SLC10A7: variants seen among roughly 807,000 people sequenced by gnomAD.
SLC10A7 encodes the protein sodium/bile acid cotransporter 7.
A neutral mutation model predicts 43.2 loss-of-function variants in SLC10A7; 29 were observed. The ratio of observed to expected loss-of-function variants is 0.67; its 90% confidence interval spans 0.50 to 0.92. The LOEUF is 0.92. SLC10A7 is among the 40% of genes least tolerant of loss of function. The probability of loss-of-function intolerance (pLI) is 0.00; values close to 1 mark genes in which losing one functional copy is unlikely to be tolerated. For synonymous variants in SLC10A7, 152 were observed against 144.8 expected (o/e 1.05, Z -0.35); for missense variants, 295 against 403.2 (o/e 0.73, Z 2.30).
intron 4 of SLC10A7, among the ~76,000 whole-genome samples, chr4:146,502,342 T>G (rs1013912281): frequency 6.6e-6 from 1 of 152,216 alleles, no homozygotes; most frequent in Non-Finnish European, 1.5e-5. Flanking sequence ...AAAAATAGTT[T>G]GGTAATTTAT....
intron 5 of SLC10A7, among the ~76,000 whole-genome samples, chr4:146,390,927 A>G (rs1738383222): frequency 6.6e-6 from 1 of 152,214 alleles, no homozygotes; most frequent in Non-Finnish European, 1.5e-5. Context: ...GTTTTAGAAG[A>G]AACTAACGCT....
At chr4:146,520,593 A>G (rs1738534820) in intron 1 of SLC10A7, among the ~76,000 whole-genome samples, 1 of 152,194 alleles carries the variant, frequency 6.6e-6, no homozygotes, top group Admixed American at 6.5e-5. Flanking sequence ...CTAAGAGATC[A>G]TTTCATTCAC....
chr4:146,345,279 T>C (rs1734540814), intron 5 of SLC10A7, among the ~76,000 whole-genome samples: 1 of 152,110 alleles, frequency 6.6e-6, no homozygotes, highest in African/African-American at 2.4e-5. Context: ...CAATGCTACA[T>C]CTAGGAAGGG....
chr4:146,279,922 A>T (rs1353303016), intron 10 of SLC10A7, among the ~76,000 whole-genome samples: 1 of 152,208 alleles, frequency 6.6e-6, no homozygotes, highest in Non-Finnish European at 1.5e-5. Context: ...AATCAAATTC[A>T]GCATGTGTGT....
chr4:146,359,933 C>T (rs574084161), intron 5 of SLC10A7, among the ~76,000 whole-genome samples: 1 of 152,104 alleles, frequency 6.6e-6, no homozygotes, highest in South Asian at 2.1e-4. Flanking sequence ...AGAAGTGTTT[C>T]CAGTCCCACT....
In SLC10A7 at chr4:146,350,398, C is replaced by CCCA. The variant is rs1293954381; in HGVS notation, c.436-24403_436-24402insTGG. Among the ~76,000 whole-genome samples the CCCA allele has an allele frequency of 7.5e-5, 3 of 39,918 alleles. No homozygotes were observed. In the East Asian group the frequency reaches 3.9e-3, roughly 52 times the overall value. 26.2% of individuals were successfully genotyped at this position (39,918 alleles called of 152,430 possible). A position where few individuals can be genotyped will look rare whatever the true frequency, so the allele number is the denominator to read the frequency against. On this transcript the variant is annotated intron_variant, in intron 5 of 11. Coordinates refer to ENST00000335472, the MANE Select transcript of SLC10A7 (RefSeq NM_001029998.6). ...AGGGTCCTACGCCCACGGAATCTCG[C>CCCA]TGATTGCTAGCACAGCAGTCTGAGA...
intron 6 of SLC10A7, among the ~76,000 whole-genome samples, chr4:146,308,935 T>C (rs1731771823): frequency 6.6e-6 from 1 of 152,144 alleles, no homozygotes; most frequent in Non-Finnish European, 1.5e-5. Context: ...ACTTAGTGCT[T>C]CCTGTGAGCT....
intron 11 of SLC10A7, among the ~76,000 whole-genome samples, chr4:146,258,167 T>G (rs554067381): frequency 2.0e-5 from 3 of 152,362 alleles, no homozygotes; most frequent in African/African-American, 7.2e-5. Context: ...TGTGGTGAAA[T>G]TAACATTGCA....
intron 5 of SLC10A7, among the ~76,000 whole-genome samples, chr4:146,403,836 T>C (rs1164776039): frequency 1.3e-5 from 2 of 152,106 alleles, no homozygotes; most frequent in Non-Finnish European, 2.9e-5. Context: ...AATTCTAATA[T>C]AGGAGTAAGA....
chr4:146,473,982 A>G (rs1239611077), intron 4 of SLC10A7, among the ~76,000 whole-genome samples: 1 of 152,140 alleles, frequency 6.6e-6, no homozygotes, highest in Non-Finnish European at 1.5e-5. Context: ...GCAACACATT[A>G]AAGAGGTGAG....
intron 6 of SLC10A7, among the ~76,000 whole-genome samples, chr4:146,311,019 T>C (rs866235214): frequency 6.6e-6 from 1 of 151,850 alleles, no homozygotes; most frequent in Non-Finnish European, 1.5e-5. Context: ...AGCAAATGAT[T>C]GGAGTGACTG....
intron 4 of SLC10A7, among the ~76,000 whole-genome samples, chr4:146,493,326 CA>C (rs1045738930): frequency 6.6e-6 from 1 of 152,004 alleles, no homozygotes; most frequent in Non-Finnish European, 1.5e-5. Context: ...ACCAAATTAT[CA>C]AAAAATGTTT....
At chr4:146,367,883 T>C (rs1736506595) in intron 5 of SLC10A7, among the ~76,000 whole-genome samples, 1 of 152,198 alleles carries the variant, frequency 6.6e-6, no homozygotes, top group South Asian at 2.1e-4. Context: ...CAATGAATAG[T>C]TGATAACAAA....
intron 5 of SLC10A7, among the ~76,000 whole-genome samples, chr4:146,387,633 T>C (rs577592213): frequency 6.6e-6 from 1 of 152,156 alleles, no homozygotes; most frequent in East Asian, 1.9e-4. Context: ...AAAAAGGAAG[T>C]CAGATTATCT....
At chr4:146,263,271 T>G (rs996809214) in intron 10 of SLC10A7, among the ~76,000 whole-genome samples, 8 of 152,226 alleles carry the variant, frequency 5.3e-5, no homozygotes, top group Non-Finnish European at 8.8e-5. Context: ...AGCCTCACCT[T>G]CGCTACCCTT....
intron 3 of SLC10A7, among the ~76,000 whole-genome samples, chr4:146,504,666 T>G (rs1438814255): frequency 1.3e-5 from 2 of 152,242 alleles, no homozygotes; most frequent in African/African-American, 4.8e-5. Context: ...AACCACTTCC[T>G]AAGTTCAAAA....
chr4:146,431,761 T>A (rs1729793897), intron 5 of SLC10A7, among the ~76,000 whole-genome samples: 1 of 151,816 alleles, frequency 6.6e-6, no homozygotes. Flanking sequence ...ACAAAAAGCC[T>A]GAGTCATAAA....
rs1738331378 is a variant in SLC10A7 at position 146,519,101 on chromosome 4, ATATATATAT to A, written c.101-1990_101-1982del. Reference sequence around the variant, plus strand: ...TATATATATATATATATATATATATATATATATATATAATATAATATATAATTAATATAT... The same window carrying A: ...TATATATATATATATATATATATATAATAATATAATATATAATTAATATAT... On this transcript the variant is annotated intron_variant, in intron 1 of 11. Coordinates refer to ENST00000335472, the MANE Select transcript of SLC10A7 (RefSeq NM_001029998.6). Among the ~76,000 whole-genome samples, 6 of 43,680 alleles carry A rather than the reference ATATATATAT, an allele frequency of 1.4e-4. 1 individual carries two copies. The highest frequency in any genetic ancestry group is 4.8e-4 in the African/African-American group (6 of 12,446). The allele number at this position is 43,680 out of a possible 152,430, so 28.7% of individuals were successfully genotyped here. A position where few individuals can be genotyped will look rare whatever the true frequency, so the allele number is the denominator to read the frequency against.
chr4:146,283,586 G>A (rs1729688434), intron 9 of SLC10A7, among the ~76,000 whole-genome samples: 1 of 152,242 alleles, frequency 6.6e-6, no homozygotes, highest in African/African-American at 2.4e-5. Flanking sequence ...GTTACCACTT[G>A]AAATTTACCC....
Sources: gnomAD v4.1 joint callset for allele counts (sites outside exome capture counted in the v4.1 genomes callset) on GRCh38, gnomAD v4.1.1 for gene constraint, MANE v1.5 for transcripts, NCBI Gene and HGNC (gene_info 2026-07-23, HGNC 2026-07-21) for gene names.